DCC: variants seen among roughly 807,000 people sequenced by gnomAD.
DCC encodes netrin receptor DCC.
In DCC, 58 loss-of-function variants were observed where a neutral mutation model predicts 172.5. That is an observed-to-expected ratio of 0.34 (90% CI 0.27 to 0.42). DCC has a LOEUF of 0.42. Ranked by LOEUF, DCC falls within the 10% of genes least tolerant of loss-of-function variation. The pLI is 1.00. For synonymous variants in DCC, 709 were observed against 644.5 expected (o/e 1.10, Z -1.52); for missense variants, 1,740 against 1,791.0 (o/e 0.97, Z 0.51).
chr18:53,265,903 A>G (rs1163312888), intron 12 of DCC, among the ~76,000 whole-genome samples: 31 of 152,134 alleles, frequency 2.0e-4, no homozygotes, highest in Admixed American at 2.0e-3. Context: ...TTTTAAATGG[A>G]TTGATGCATC....
At chr18:53,309,836 T>C (rs773242671) in intron 13 of DCC, among the ~76,000 whole-genome samples, 48 of 151,628 alleles carry the variant, frequency 3.2e-4, no homozygotes, top group Non-Finnish European at 6.5e-4. Context: ...TCATGAGTTA[T>C]AATAAAGCAT....
At position 53,469,405 on chromosome 18, in the gene DCC, A is replaced by G. The variant is rs574964630; in HGVS notation, c.3736+1395A>G. On this transcript the variant is annotated intron_variant, in intron 25 of 28. Coordinates refer to ENST00000442544, the MANE Select transcript of DCC (RefSeq NM_005215.4). ...ACACTGTATTTCTCTAGTGGTTCAT[A>G]GTTACACTTTATAAGATGAATGTCT... Among the ~76,000 whole-genome samples, 17 of 152,310 alleles carry G rather than the reference A, an allele frequency of 1.1e-4. No homozygotes were observed. The East Asian group carries it at 3.3e-3, about 29-fold the overall frequency.
chr18:53,039,770 A>T (rs1253791215), intron 5 of DCC, among the ~76,000 whole-genome samples: 2 of 151,924 alleles, frequency 1.3e-5, no homozygotes, highest in Non-Finnish European at 2.9e-5. Flanking sequence ...GGATATAAAA[A>T]CTGTCAAGTT....
chr18:53,078,718 G>C (rs1164307933), intron 7 of DCC, among the ~76,000 whole-genome samples: 1 of 152,178 alleles, frequency 6.6e-6, no homozygotes, highest in South Asian at 2.1e-4. Context: ...AGCTGTCTTT[G>C]TTATTTTGTG....
intron 2 of DCC, among the ~76,000 whole-genome samples, chr18:52,768,388 G>A (rs1351592130): frequency 6.6e-6 from 1 of 152,126 alleles, no homozygotes; most frequent in Non-Finnish European, 1.5e-5. Context: ...CGCCAATGGG[G>A]GAAGAATCTA....
At chr18:53,229,638 G>T (rs73957112) in intron 12 of DCC, among the ~76,000 whole-genome samples, 6,225 of 151,992 alleles carry the variant, frequency 0.041, 396 homozygotes, top group African/African-American at 0.14. Context: ...ACAAATTAAA[G>T]ATTTTTTCAC....
At chr18:53,040,546 T>C (rs2042155580) in intron 5 of DCC, among the ~76,000 whole-genome samples, 1 of 152,020 alleles carries the variant, frequency 6.6e-6, no homozygotes, top group African/African-American at 2.4e-5. Flanking sequence ...TGTTGTCAGC[T>C]AAATCTTTAG....
chr18:52,522,425 A>AC (rs1335362420), intron 1 of DCC, among the ~76,000 whole-genome samples: 6 of 151,858 alleles, frequency 4.0e-5, no homozygotes, highest in African/African-American at 1.5e-4. Flanking sequence ...TCTCAATGAG[A>AC]CCCCCTGATC....
chr18:52,370,770 T>A, intron 1 of DCC, among the ~76,000 whole-genome samples: 1 of 152,286 alleles, frequency 6.6e-6, no homozygotes, highest in East Asian at 1.9e-4. Flanking sequence ...GCAATAAGAT[T>A]GAATAATAAT....
chr18:53,090,089 A>G (rs1400819571), intron 7 of DCC, among the ~76,000 whole-genome samples: 1 of 152,178 alleles, frequency 6.6e-6, no homozygotes, highest in Non-Finnish European at 1.5e-5. Flanking sequence ...TGTGTCTACT[A>G]GTTGCTAAAA....
intron 1 of DCC, among the ~76,000 whole-genome samples, chr18:52,436,926 A>T (rs1374306034): frequency 6.6e-6 from 1 of 152,188 alleles, no homozygotes; most frequent in Non-Finnish European, 1.5e-5. Flanking sequence ...CCTCAAAAAA[A>T]TGAAAACAAA....
intron 1 of DCC, among the ~76,000 whole-genome samples, chr18:52,373,733 G>C (rs1415635359): frequency 6.6e-6 from 1 of 151,968 alleles, no homozygotes; most frequent in Non-Finnish European, 1.5e-5. Flanking sequence ...CTCAGTCAAT[G>C]CCCTCCTTCC....
intron 1 of DCC, among the ~76,000 whole-genome samples, chr18:52,494,266 G>GTGA (rs1311223174): frequency 2.6e-5 from 2 of 78,260 alleles, no homozygotes; most frequent in African/African-American, 7.9e-5. Context: ...GGTTTGTGAT[G>GTGA]TGTGTGTGTG....
chr18:53,082,315 A>G (rs2144139100), intron 7 of DCC, among the ~76,000 whole-genome samples: 1 of 152,272 alleles, frequency 6.6e-6, no homozygotes, highest in South Asian at 2.1e-4. Flanking sequence ...GGCTGAATCT[A>G]GCTTTATTAT....
intron 1 of DCC, among the ~76,000 whole-genome samples, chr18:52,516,654 A>G (rs1246101035): frequency 6.6e-6 from 1 of 152,262 alleles, no homozygotes; most frequent in African/African-American, 2.4e-5. Flanking sequence ...ATGGCTTAAT[A>G]CTGTCATATA....
chr18:53,384,825 T>C (rs1908022727), intron 15 of DCC, among the ~76,000 whole-genome samples: 1 of 149,628 alleles, frequency 6.7e-6, no homozygotes. Context: ...GTGCTAATTT[T>C]GTAAAGAAGT....
At chr18:52,889,591 G>A (rs540148651) in intron 2 of DCC, among the ~76,000 whole-genome samples, 33 of 152,214 alleles carry the variant, frequency 2.2e-4, no homozygotes, top group Middle Eastern at 3.4e-3. Context: ...TGGGTTCTAC[G>A]TTTCAGAAAC....
At chr18:53,063,850 A>G (rs1001441896) in intron 6 of DCC, among the ~76,000 whole-genome samples, 76 of 152,302 alleles carry the variant, frequency 5.0e-4, no homozygotes, top group African/African-American at 1.7e-3. Context: ...ATACAGTTTT[A>G]TAAGATATGA....
intron 2 of DCC, among the ~76,000 whole-genome samples, chr18:52,873,083 C>A (rs2039347154): frequency 6.6e-6 from 1 of 152,130 alleles, no homozygotes; most frequent in Admixed American, 6.5e-5. Flanking sequence ...CGGTCACAGG[C>A]TGATTTTTTA....
Sources: allele counts gnomAD v4.1 joint callset (sites outside exome capture counted in the v4.1 genomes callset), GRCh38; gene constraint gnomAD v4.1.1; transcripts MANE v1.5; gene names NCBI Gene and HGNC (gene_info 2026-07-23, HGNC 2026-07-21).